Variants in CA8 observed in about 807,000 individuals in gnomAD.
CA8 encodes the protein carbonic anhydrase-related protein.
In CA8, 22 loss-of-function variants were observed where a neutral mutation model predicts 41.4. The observed-to-expected ratio is 0.53, with a 90% CI of 0.38 to 0.76. The LOEUF is 0.76. Among genes scored for constraint, CA8 ranks in the 30% least tolerant of loss-of-function variants. The pLI is 0.00. For missense variants in CA8, 270 were observed against 352.8 expected, an observed-to-expected ratio of 0.77 and a Z score of 1.88; for synonymous variants, 121 against 130.6, an observed-to-expected ratio of 0.93 and a Z score of 0.50.
At chr8:60,240,767 C>CA (rs1333005192) in intron 3 of CA8, among the ~76,000 whole-genome samples, 3 of 152,010 alleles carry the variant, frequency 2.0e-5, no homozygotes, top group Non-Finnish European at 4.4e-5. Context: ...TAGCAGGTCC[C>CA]AATAGATTCT....
chr8:60,227,807 A>G (rs1348437624), intron 4 of CA8, among the ~76,000 whole-genome samples: 2 of 152,192 alleles, frequency 1.3e-5, no homozygotes, highest in African/African-American at 2.4e-5. Context: ...TCTTTTTAAA[A>G]ACATATCACT....
intron 2 of CA8, among the ~76,000 whole-genome samples, chr8:60,274,991 A>G (rs1375767522): frequency 6.6e-6 from 1 of 152,182 alleles, no homozygotes; most frequent in African/African-American, 2.4e-5. Flanking sequence ...CATGATGATG[A>G]GATCCCTGGC....
chr8:60,238,744 C>T (rs1807919487), intron 3 of CA8, among the ~76,000 whole-genome samples: 1 of 152,138 alleles, frequency 6.6e-6, no homozygotes, highest in African/African-American at 2.4e-5. Flanking sequence ...ATTTCTCAAA[C>T]CACATCCTTC....
At chr8:60,210,468 A>T (rs994649140) in intron 7 of CA8, among the ~76,000 whole-genome samples, 1 of 152,180 alleles carries the variant, frequency 6.6e-6, no homozygotes, top group Non-Finnish European at 1.5e-5. Context: ...AAATTTTTAC[A>T]TGTGCATTTT....
chr8:60,252,989 G>C (rs1808503571), intron 3 of CA8, among the ~76,000 whole-genome samples: 1 of 152,064 alleles, frequency 6.6e-6, no homozygotes, highest in African/African-American at 2.4e-5. Context: ...CAGCACTTCG[G>C]GAGGCTGAGG....
intron 2 of CA8, 72 bp from the exon 3 acceptor site, chr8:60,266,121 T>C (rs1462239808): frequency 6.5e-5 from 97 of 1,485,908 alleles, no homozygotes; most frequent in Non-Finnish European, 7.9e-5. Flanking sequence ...TAGAGACTTT[T>C]TTTTTTTCCA....
At chr8:60,239,035 AAG>A (rs1807929025) in intron 3 of CA8, among the ~76,000 whole-genome samples, 1 of 152,182 alleles carries the variant, frequency 6.6e-6, no homozygotes, top group African/African-American at 2.4e-5. Context: ...AAGGAAGAGA[AAG>A]AGGGGAGATA....
chr8:60,281,256 G>T lies in CA8; in HGVS notation c.-109C>A. ...CGCGTGGGGGAGTGTGAGCACGCGT[G>T]AGCGGCAGTGTGAGTGCGAGAGCGC... On this transcript the variant is annotated 5_prime_UTR_variant, in exon 1 of 9. Coordinates refer to ENST00000317995, the MANE Select transcript of CA8 (RefSeq NM_004056.6). 1 of 743,488 alleles carries T rather than the reference G, an allele frequency of 1.3e-6. No individual in the cohort carries two copies. The highest frequency in any genetic ancestry group is 1.5e-5 in the South Asian group (1 of 64,906). The allele number at this position is 743,488 out of a possible 1,614,324, so 46.1% of individuals were successfully genotyped here.
intron 7 of CA8, among the ~76,000 whole-genome samples, chr8:60,221,140 C>T (rs751979728): frequency 1.3e-5 from 2 of 152,214 alleles, no homozygotes; most frequent in Non-Finnish European, 2.9e-5. Flanking sequence ...GAATCCAAAA[C>T]TCTAGGCTTA....
chr8:60,194,143 A>C (rs954288220), intron 8 of CA8, among the ~76,000 whole-genome samples: 4 of 151,486 alleles, frequency 2.6e-5, no homozygotes, highest in African/African-American at 9.7e-5. Context: ...TTCTTTCCTT[A>C]CCTCTCCAAA....
At position 60,186,572 on chromosome 8, in the gene CA8, A is replaced by G. The variant is rs1450754742; in HGVS notation, c.*3449T>C. Among the ~76,000 whole-genome samples, 1 of 151,950 alleles carries G rather than the reference A, an allele frequency of 6.6e-6. No individual in the cohort carries two copies. Among genetic ancestry groups the G allele is most frequent in the Non-Finnish European group, 1.5e-5 (1 of 67,890 alleles). On this transcript the variant is annotated 3_prime_UTR_variant, in exon 9 of 9. Coordinates refer to ENST00000317995, the MANE Select transcript of CA8 (RefSeq NM_004056.6). The stretch of plus-strand genomic sequence containing the variant: ...ATCCAACTATATAAACAATAACATT[A>G]AGTGCAAATGGGTTAAATAATCCAA...
intron 8 of CA8, among the ~76,000 whole-genome samples, chr8:60,194,525 T>A (rs914336317): frequency 2.0e-5 from 3 of 152,190 alleles, no homozygotes; most frequent in Non-Finnish European, 4.4e-5. Flanking sequence ...CACTCAATTG[T>A]GTCTGTGTCC....
At chr8:60,280,769 C>T (rs1233470722) in intron 1 of CA8, among the ~76,000 whole-genome samples, 2 of 152,260 alleles carry the variant, frequency 1.3e-5, no homozygotes, top group Non-Finnish European at 2.9e-5. Context: ...TGGAGGCTAG[C>T]CCGCCCTCCG....
At chr8:60,265,786 T>G in intron 3 of CA8, 139 bp downstream of exon 3, 1 of 949,610 alleles carries the variant, frequency 1.1e-6, no homozygotes, top group Middle Eastern at 3.2e-4. Flanking sequence ...TCCATTGCAT[T>G]AAGCATTTTT....
intron 8 of CA8, among the ~76,000 whole-genome samples, chr8:60,204,511 T>C (rs1284851711): frequency 6.6e-6 from 1 of 152,248 alleles, no homozygotes; most frequent in East Asian, 1.9e-4. Flanking sequence ...AATTATTTTC[T>C]TTGTTTAGTA....
At chr8:60,197,231 T>C (rs1367836403) in intron 8 of CA8, among the ~76,000 whole-genome samples, 5 of 152,132 alleles carry the variant, frequency 3.3e-5, no homozygotes, top group Admixed American at 3.3e-4. Context: ...TTAAAAGCAA[T>C]GTATGTAAAA....
intron 3 of CA8, among the ~76,000 whole-genome samples, chr8:60,241,215 T>G (rs193098748): frequency 2.6e-3 from 394 of 152,332 alleles, no homozygotes; most frequent in African/African-American, 9.0e-3. Flanking sequence ...TAGACAGATA[T>G]AACAGTGACA....
chr8:60,245,574 T>C (rs1436174791), intron 3 of CA8, among the ~76,000 whole-genome samples: 1 of 152,236 alleles, frequency 6.6e-6, no homozygotes, highest in Non-Finnish European at 1.5e-5. Context: ...TGTAAGACTC[T>C]CCTGTTAATA....
At chr8:60,234,727 T>C (rs1280115306) in intron 3 of CA8, among the ~76,000 whole-genome samples, 3 of 151,390 alleles carry the variant, frequency 2.0e-5, no homozygotes, top group African/African-American at 4.8e-5. Context: ...ACCTTCTGGG[T>C]CTTCAATAAC....
Sources: allele counts gnomAD v4.1 joint callset (sites outside exome capture counted in the v4.1 genomes callset), GRCh38; gene constraint gnomAD v4.1.1; transcripts MANE v1.5; gene names NCBI Gene and HGNC (gene_info 2026-07-23, HGNC 2026-07-21).